The following HMCN1 variants were observed in gnomAD, a reference collection of about 807,000 sequenced individuals.
HMCN1 encodes hemicentin-1.
HMCN1 carries 321 observed loss-of-function variants against 625.9 expected under a neutral mutation model. The observed-to-expected ratio is 0.51, with a 90% confidence interval of 0.47 to 0.56. The LOEUF (loss-of-function observed/expected upper bound fraction) is 0.56, where lower values mean the gene tolerates loss of function less well. Ranked by LOEUF, HMCN1 falls within the 20% of genes least tolerant of loss-of-function variation. The pLI is 0.00. For synonymous variants in HMCN1, 2,425 were observed against 2,417.6 expected (o/e 1.00, Z -0.09); for missense variants, 6,588 against 6,887.3 (o/e 0.96, Z 1.54).
intron 12 of HMCN1, among the ~76,000 whole-genome samples, chr1:185,963,159 C>T (rs1254881178): frequency 3.9e-5 from 6 of 152,070 alleles, no homozygotes; most frequent in Non-Finnish European, 5.9e-5. Flanking sequence ...AGCATTGAAT[C>T]CACTCATGCT....
chr1:186,016,945 A>T lies in HMCN1; in HGVS notation c.5192-18A>T. ...TTGTATACATTTCTTTGCATGTTACATTCCTGTTGTTTTCTAGTGCCACCA... is the reference window on the plus strand; with the variant it reads ...TTGTATACATTTCTTTGCATGTTACTTTCCTGTTGTTTTCTAGTGCCACCA... On this transcript the variant is annotated intron_variant, in intron 32 of 106. Transcript: ENST00000271588. 7.3e-7 allele frequency: 1 copy of T among 1,360,610 alleles called. No homozygotes were observed. The highest frequency in any genetic ancestry group is 1.1e-6 in the Non-Finnish European group (1 of 949,336). The allele number at this position is 1,360,610 out of a possible 1,614,324, so 84.3% of individuals were successfully genotyped here.
chr1:185,990,487 A>T, intron 22 of HMCN1, 44 bp downstream of exon 22: 1 of 1,540,670 alleles, frequency 6.5e-7, no homozygotes, highest in Non-Finnish European at 9.0e-7. Flanking sequence ...AACATAATCA[A>T]CCTCTTGGGA....
chr1:185,827,727 C>T (rs917410918), intron 1 of HMCN1, among the ~76,000 whole-genome samples: 22 of 151,764 alleles, frequency 1.4e-4, no homozygotes, highest in African/African-American at 5.1e-4. Context: ...AAGATAATTT[C>T]CCTAAGTTAA....
Position 185,877,783 on chromosome 1 carries a change from G to A in HMCN1, c.621+11920G>A, listed in dbSNP as rs530321244. Among the ~76,000 whole-genome samples, 25 of 151,806 alleles carry A rather than the reference G, an allele frequency of 1.6e-4. No homozygotes were observed. The South Asian group carries it at 5.2e-3, about 32-fold the overall frequency. ...GGTTCAGAGGTACATGTGCAGGTTT[G>A]TATAAGCAAATTTGTGTCACAGGGT... On this transcript the variant is annotated intron_variant, in intron 4 of 106. Transcript: ENST00000271588.
chr1:186,083,862 T>A (rs1659318651), intron 57 of HMCN1, among the ~76,000 whole-genome samples: 1 of 152,190 alleles, frequency 6.6e-6, no homozygotes, highest in African/African-American at 2.4e-5. Flanking sequence ...ACACTGTAGA[T>A]GCTTAATAAG....
intron 94 of HMCN1, 106 bp from the exon 95 acceptor site, chr1:186,151,500 G>A: frequency 7.5e-7 from 1 of 1,324,710 alleles, no homozygotes; most frequent in Non-Finnish European, 1.1e-6. Flanking sequence ...TTTGTTTCTG[G>A]TATTCAACAT....
At chr1:186,120,326 G>T (rs192235082) in intron 80 of HMCN1, among the ~76,000 whole-genome samples, 181 bp downstream of exon 80, 1 of 151,852 alleles carries the variant, frequency 6.6e-6, no homozygotes, top group Non-Finnish European at 1.5e-5. Flanking sequence ...ATTTTATTTT[G>T]TTGGCCATTG....
chr1:186,087,540 G>A lies in HMCN1; in HGVS notation c.9258G>A (p.Val3086=), dbSNP rs1291461174. The A allele has an allele frequency of 2.5e-6, 4 of 1,613,134 alleles. No homozygotes were observed. The highest frequency in any genetic ancestry group is 3.4e-6 in the Non-Finnish European group (4 of 1,179,464). The part of the protein sequence containing the change: ...SVSLECESNA[V]PPPVITWYKN... ...CTTTGGAGTGTGAGTCGAACGCTGTGCCACCTCCAGTCATCACTTGGTATA... is the reference window on the plus strand; with the variant it reads ...CTTTGGAGTGTGAGTCGAACGCTGTACCACCTCCAGTCATCACTTGGTATA... The change falls in exon 60 of 107, where the codon GTG becomes GTA. Residue 3086 remains valine (V), a synonymous_variant. Coordinates refer to ENST00000271588, the MANE Select transcript of HMCN1 (RefSeq NM_031935.3).
At chr1:185,987,209 A>G (rs1329145604) in intron 19 of HMCN1, among the ~76,000 whole-genome samples, 1 of 151,704 alleles carries the variant, frequency 6.6e-6, no homozygotes, top group Non-Finnish European at 1.5e-5. Flanking sequence ...ATAACTTACT[A>G]CTTGATTTTA....
At position 186,189,645 on chromosome 1, in the gene HMCN1, C is replaced by G. The variant is rs776766603; in HGVS notation, c.16675C>G (p.Gln5559Glu). Residue 5559 changes from glutamine (Q) to glutamate (E), a missense_variant, in exon 107 of 107, where the codon CAG becomes GAG. Physicochemically the swap from Gln to Glu is conservative, Grantham distance 29 (BLOSUM62 2). Around this residue, in one of 3 missense-constraint regions of HMCN1, gnomAD observed 1,954 missense variants for 2,013.1 expected, o/e 0.97. Transcript: ENST00000271588. ...QDLIRLVAYT[Q>E]DGVMHPRTTF... is the part of the protein sequence containing the mutation. The stretch of plus-strand genomic sequence containing the variant: ...TTTAATCCGGCTGGTTGCATACACA[C>G]AGGATGGAGTGATGCATCCCAGGAC... 6.8e-6 allele frequency: 11 copies of G among 1,612,114 alleles called. No homozygotes were observed. The South Asian group carries it at 9.9e-5, about 15-fold the overall frequency.
intron 104 of HMCN1, among the ~76,000 whole-genome samples, chr1:186,181,641 C>T (rs889653406): frequency 6.6e-6 from 1 of 151,932 alleles, no homozygotes; most frequent in Non-Finnish European, 1.5e-5. Context: ...ATTTTTGTCA[C>T]AAAAATAAAA....
chr1:186,031,010 A>G (rs927111631), intron 36 of HMCN1, among the ~76,000 whole-genome samples: 78 of 152,080 alleles, frequency 5.1e-4, no homozygotes, highest in Non-Finnish European at 7.4e-4. Context: ...TTATATTATC[A>G]TCTTTTAAAT....
intron 30 of HMCN1, among the ~76,000 whole-genome samples, 153 bp from the exon 31 acceptor site, chr1:186,015,006 A>G (rs1446405162): frequency 6.6e-6 from 1 of 152,150 alleles, no homozygotes; most frequent in Non-Finnish European, 1.5e-5. Flanking sequence ...GGTTTTGACA[A>G]TAGAGGAAAC....
At position 186,136,862 on chromosome 1, in the gene HMCN1, G is replaced by C; in HGVS notation, c.13507G>C (p.Asp4503His). ...ATATATTGCTGATGCTCAGAAAGAA[G>C]ATACCTCTGAATTTGAATGTGTTGC... The part of the protein sequence containing the change: ...SLYIADAQKE[D>H]TSEFECVARN... Residue 4503 changes from aspartate to histidine, a missense_variant, in exon 87 of 107, where the codon GAT becomes CAT. Around this residue, in one of 3 missense-constraint regions of HMCN1, gnomAD observed 1,954 missense variants for 2,013.1 expected, o/e 0.97. Transcript: ENST00000271588. The C allele has an allele frequency of 1.2e-6, 2 of 1,614,008 alleles. No individual in the cohort carries two copies. The highest frequency in any genetic ancestry group is 1.7e-6 in the Non-Finnish European group (2 of 1,179,958).
chr1:186,150,644 C>T (rs1291743978), intron 93 of HMCN1, among the ~76,000 whole-genome samples: 1 of 152,132 alleles, frequency 6.6e-6, no homozygotes, highest in Non-Finnish European at 1.5e-5. Context: ...GATGAAGTCT[C>T]TCCTTTTCCT....
At chr1:185,792,427 C>T (rs1347749429) in intron 1 of HMCN1, among the ~76,000 whole-genome samples, 1 of 152,070 alleles carries the variant, frequency 6.6e-6, no homozygotes, top group Non-Finnish European at 1.5e-5. Context: ...ATTGTTTTCT[C>T]AGAATGTCCA....
chr1:185,879,148 A>G (rs1664135321), intron 4 of HMCN1, among the ~76,000 whole-genome samples: 1 of 151,978 alleles, frequency 6.6e-6, no homozygotes, highest in South Asian at 2.1e-4. Flanking sequence ...CTTGCCTAGT[A>G]TCTTGCTTAG....
At position 186,130,079 on chromosome 1, in the gene HMCN1, A is replaced by C. The variant is rs1207048115; in HGVS notation, c.13018A>C (p.Ile4340Leu). The change falls in exon 84 of 107, where the codon ATT becomes CTT. Residue 4340 changes from isoleucine to leucine, a missense_variant. Around this residue, in one of 3 missense-constraint regions of HMCN1, gnomAD observed 1,954 missense variants for 2,013.1 expected, o/e 0.97. Transcript: ENST00000271588. ...GAACAGCGTTGGCTTTGTGAAGGCA[A>C]TTGGATTTGTTTATGTGAAAGGTAG... Reference protein sequence around the residue: ...AENSVGFVKAIGFVYVKEPPV... With the variant: ...AENSVGFVKALGFVYVKEPPV... The C allele has an allele frequency of 1.2e-6, 2 of 1,613,244 alleles. No homozygotes were observed. The highest frequency in any genetic ancestry group is 3.3e-5 in the Admixed American group (2 of 59,952).
intron 57 of HMCN1, among the ~76,000 whole-genome samples, chr1:186,085,144 G>A (rs1319107530): frequency 6.6e-6 from 1 of 152,044 alleles, no homozygotes; most frequent in Non-Finnish European, 1.5e-5. Flanking sequence ...TACTGATTGC[G>A]ACTTGTCGTT....
Sources: gnomAD v4.1 joint callset for allele counts (sites outside exome capture counted in the v4.1 genomes callset) on GRCh38, gnomAD v4.1.1 for gene constraint, gnomAD v4.1.1 regional missense constraint, MANE v1.5 for transcripts, NCBI Gene and HGNC (gene_info 2026-07-23, HGNC 2026-07-21) for gene names.